The following FBXL7 variants were observed in gnomAD, a reference collection of about 807,000 sequenced individuals.
The protein encoded by FBXL7 is F-box and leucine rich repeat protein 7, also known as F-box/LRR-repeat protein 7.
Under a neutral mutation model 38.3 loss-of-function variants are expected in FBXL7, and 12 were observed. That is an observed-to-expected ratio of 0.31 (90% CI 0.20 to 0.51). The LOEUF (loss-of-function observed/expected upper bound fraction) is 0.51. FBXL7 is among the 20% of genes least tolerant of loss of function. FBXL7 has a pLI of 0.98. For missense variants in FBXL7, 567 were observed against 676.4 expected, an observed-to-expected ratio of 0.84 and a Z score of 1.79; for synonymous variants, 297 against 300.9, an observed-to-expected ratio of 0.99 and a Z score of 0.13.
Position 15,500,422 on chromosome 5 carries a change from C to G in FBXL7, c.-255C>G. 2.4e-6 allele frequency: 1 copy of G among 424,244 alleles called. No homozygotes were observed. The highest frequency in any genetic ancestry group is 3.1e-5 in the South Asian group (1 of 32,518). 26.3% of individuals were successfully genotyped at this position (424,244 alleles called of 1,614,324 possible). ...CGGGCTGTGCGCGGCGCTGCGCCCG[C>G]CGGCCCCCAGCGCGGATTGTAAGTG... On this transcript the variant is annotated 5_prime_UTR_variant, in exon 1 of 4. Coordinates refer to ENST00000504595, the MANE Select transcript of FBXL7 (RefSeq NM_012304.5).
chr5:15,690,216 C>T (rs148440880), intron 2 of FBXL7, among the ~76,000 whole-genome samples: 1 of 152,122 alleles, frequency 6.6e-6, no homozygotes, highest in Non-Finnish European at 1.5e-5. Flanking sequence ...CAAAACTCAG[C>T]AGTTACTTAA....
At chr5:15,725,322 G>A (rs1027000904) in intron 2 of FBXL7, among the ~76,000 whole-genome samples, 1 of 151,784 alleles carries the variant, frequency 6.6e-6, no homozygotes, top group Non-Finnish European at 1.5e-5. Flanking sequence ...ATACATTTTG[G>A]TATGTTGATT....
intron 2 of FBXL7, among the ~76,000 whole-genome samples, chr5:15,640,616 T>A (rs1741334494): frequency 6.6e-6 from 1 of 151,574 alleles, no homozygotes; most frequent in African/African-American, 2.4e-5. Context: ...CTCCACCTCC[T>A]GTGTTCAAGT....
At chr5:15,545,208 C>T (rs1053239879) in intron 1 of FBXL7, among the ~76,000 whole-genome samples, 5 of 152,194 alleles carry the variant, frequency 3.3e-5, no homozygotes, top group South Asian at 2.1e-4. Context: ...CATTGGAATT[C>T]ACATCCCAGA....
intron 2 of FBXL7, among the ~76,000 whole-genome samples, chr5:15,876,562 C>G (rs1561167750): frequency 1.3e-5 from 2 of 152,156 alleles, no homozygotes. Context: ...TCAAAGGTTT[C>G]TCTTCATTTG....
intron 2 of FBXL7, among the ~76,000 whole-genome samples, chr5:15,618,876 A>G (rs1215557759): frequency 6.6e-5 from 10 of 152,194 alleles, no homozygotes; most frequent in Admixed American, 6.5e-4. Flanking sequence ...ATAAAACAGA[A>G]AAAGAAACCG....
chr5:15,629,288 A>G (rs1158481172), intron 2 of FBXL7, among the ~76,000 whole-genome samples: 1 of 152,118 alleles, frequency 6.6e-6, no homozygotes, highest in Non-Finnish European at 1.5e-5. Flanking sequence ...AGAAACGGAA[A>G]TATACTTGAG....
intron 2 of FBXL7, among the ~76,000 whole-genome samples, chr5:15,876,666 T>C (rs1221213613): frequency 6.6e-6 from 1 of 152,226 alleles, no homozygotes; most frequent in East Asian, 1.9e-4. Context: ...TAAGAAACTA[T>C]TAACCTGTAT....
At chr5:15,829,872 G>C (rs1469367748) in intron 2 of FBXL7, among the ~76,000 whole-genome samples, 4 of 152,148 alleles carry the variant, frequency 2.6e-5, no homozygotes, top group Admixed American at 6.5e-5. Context: ...TAAAGATCCT[G>C]AGAAGTGATT....
chr5:15,746,315 C>T (rs1736012875), intron 2 of FBXL7, among the ~76,000 whole-genome samples: 2 of 152,106 alleles, frequency 1.3e-5, no homozygotes, highest in Non-Finnish European at 2.9e-5. Flanking sequence ...GAGCCTGGAA[C>T]ACAAAGGGGA....
At chr5:15,746,262 T>G (rs2126680126) in intron 2 of FBXL7, among the ~76,000 whole-genome samples, 1 of 152,318 alleles carries the variant, frequency 6.6e-6, no homozygotes, top group Non-Finnish European at 1.5e-5. Context: ...GAGATGCTTT[T>G]AAGACATCCA....
intron 2 of FBXL7, among the ~76,000 whole-genome samples, chr5:15,788,540 T>TA (rs1737190384): frequency 6.6e-6 from 1 of 152,126 alleles, no homozygotes; most frequent in Non-Finnish European, 1.5e-5. Flanking sequence ...TATAAGGGCT[T>TA]ATTAGATTTG....
intron 1 of FBXL7, among the ~76,000 whole-genome samples, chr5:15,562,018 A>G (rs1738428279): frequency 6.6e-6 from 1 of 152,296 alleles, no homozygotes; most frequent in South Asian, 2.1e-4. Context: ...CACCAAGATA[A>G]TGCAGATAAG....
intron 2 of FBXL7, among the ~76,000 whole-genome samples, chr5:15,619,240 CCGGGAAG>C (rs1363749118): frequency 6.6e-6 from 1 of 152,172 alleles, no homozygotes; most frequent in Non-Finnish European, 1.5e-5. Context: ...ATGTGCATTC[CCGGGAAG>C]CTGTTTCTCC....
intron 2 of FBXL7, among the ~76,000 whole-genome samples, chr5:15,729,070 G>C (rs1394014718): frequency 6.6e-6 from 1 of 152,164 alleles, no homozygotes; most frequent in African/African-American, 2.4e-5. Context: ...AATGAGAAAA[G>C]GAACTTCTAC....
At chr5:15,599,972 G>A (rs959040955) in intron 1 of FBXL7, among the ~76,000 whole-genome samples, 1 of 152,178 alleles carries the variant, frequency 6.6e-6, no homozygotes, top group Non-Finnish European at 1.5e-5. Flanking sequence ...GATTTATACT[G>A]AATGAGATGG....
chr5:15,826,357 C>T (rs756395615), intron 2 of FBXL7, among the ~76,000 whole-genome samples: 2 of 152,232 alleles, frequency 1.3e-5, no homozygotes, highest in Non-Finnish European at 2.9e-5. Context: ...GAGAAAATAG[C>T]GTCTATAGGG....
intron 2 of FBXL7, among the ~76,000 whole-genome samples, chr5:15,860,738 A>AAC (rs1272977756): frequency 6.6e-6 from 1 of 152,178 alleles, no homozygotes; most frequent in Non-Finnish European, 1.5e-5. Context: ...TAGGGGTGAT[A>AAC]TGGTTCTTAT....
chr5:15,769,801 T>C (rs1736681621), intron 2 of FBXL7, among the ~76,000 whole-genome samples: 1 of 151,866 alleles, frequency 6.6e-6, no homozygotes, highest in Non-Finnish European at 1.5e-5. Flanking sequence ...TTATTAATAA[T>C]ACCATATCAG....
Sources: allele counts gnomAD v4.1 joint callset (sites outside exome capture counted in the v4.1 genomes callset), GRCh38; gene constraint gnomAD v4.1.1; transcripts MANE v1.5; gene names NCBI Gene and HGNC (gene_info 2026-07-23, HGNC 2026-07-21).